CHN2: variants seen among roughly 807,000 people sequenced by gnomAD.
The protein encoded by CHN2 is chimerin 2, also known as beta-chimaerin.
CHN2 carries 35 observed loss-of-function variants against 56.3 expected under a neutral mutation model. The ratio of observed to expected loss-of-function variants is 0.62; its 90% confidence interval spans 0.47 to 0.82. The LOEUF is 0.82. Among genes scored for constraint, CHN2 ranks in the 40% least tolerant of loss-of-function variants. The pLI, the probability that CHN2 is intolerant of heterozygous loss-of-function variation, is 0.00. For missense variants in CHN2, 491 were observed against 580.5 expected (o/e 0.85, Z 1.58); for synonymous variants, 210 against 212.8 (o/e 0.99, Z 0.12).
chr7:29,162,384 A>C (rs563763217), intron 2 of CHN2, among the ~76,000 whole-genome samples: 2 of 152,314 alleles, frequency 1.3e-5, no homozygotes, highest in South Asian at 4.1e-4. Context: ...TATGATGGCC[A>C]GGCGTGGTGG....
upstream of CHN2, among the ~76,000 whole-genome samples, chr7:29,190,961 G>A (rs1584662896): frequency 2.0e-5 from 3 of 151,796 alleles, no homozygotes; most frequent in Admixed American, 1.3e-4. Context: ...CTGAGACAGG[G>A]CCTCACTCTG....
At chr7:29,367,871 A>T in intron 2 of CHN2, 61 bp from the exon 3 acceptor site, 3 of 1,403,628 alleles carry the variant, frequency 2.1e-6, no homozygotes, top group South Asian at 2.7e-5. Flanking sequence ...AGGCACGTTG[A>T]TATGTGTTGC....
At chr7:29,419,469 CAT>C (rs1271327947) in intron 6 of CHN2, among the ~76,000 whole-genome samples, 1 of 151,794 alleles carries the variant, frequency 6.6e-6, no homozygotes, top group Non-Finnish European at 1.5e-5. Context: ...AACAAAAGCA[CAT>C]ATAGACAAAA....
At position 29,509,316 on chromosome 7, in the gene CHN2, A is replaced by G. The variant is rs773469464; in HGVS notation, c.1145A>G (p.Asp382Gly). Residue 382 changes from aspartate (D) to glycine (G), a missense_variant, in exon 12 of 13, where the codon GAT becomes GGT. Physicochemically the swap from Asp to Gly is moderately conservative, Grantham distance 94. Coordinates refer to ENST00000222792, the MANE Select transcript of CHN2 (RefSeq NM_004067.4). ...FIDAAKISNA[D>G]ERLEAVHEVL... ...AACTTCACAGAAATCTCCAATGCAG[A>G]TGAGAGGCTGGAAGCCGTCCATGAA... is the stretch of plus-strand genomic sequence containing the variant. The G allele has an allele frequency of 1.9e-6, 3 of 1,613,796 alleles. No individual in the cohort carries two copies. In the African/African-American group the frequency reaches 4.0e-5, roughly 22 times the overall value.
At chr7:29,345,515 C>T (rs1797366037) in intron 1 of CHN2, among the ~76,000 whole-genome samples, 1 of 152,020 alleles carries the variant, frequency 6.6e-6, no homozygotes, top group Admixed American at 6.5e-5. Flanking sequence ...GACTGCATGA[C>T]ATCCCTAAGA....
At chr7:29,238,922 C>T (rs1406162596) in intron 1 of CHN2, among the ~76,000 whole-genome samples, 3 of 152,064 alleles carry the variant, frequency 2.0e-5, no homozygotes, top group Admixed American at 6.6e-5. Flanking sequence ...AGGAAGTTGG[C>T]GTGTGTGAGG....
At chr7:29,302,500 CTTTTTTTTTT>C (rs70980525) in intron 1 of CHN2, among the ~76,000 whole-genome samples, 1 of 117,818 alleles carries the variant, frequency 8.5e-6, no homozygotes, top group Non-Finnish European at 1.7e-5. Flanking sequence ...AATTTTAATT[CTTTTTTTTTT>C]TTTTTTTTTT....
At chr7:29,420,080 C>A (rs1804182057) in intron 6 of CHN2, among the ~76,000 whole-genome samples, 2 of 149,486 alleles carry the variant, frequency 1.3e-5, no homozygotes, top group Non-Finnish European at 3.0e-5. Flanking sequence ...AAAAAATTAT[C>A]TCACACCTAT....
In CHN2 at chr7:29,146,816, A is replaced by G. The variant is rs1390617730; in HGVS notation, c.163-33A>G. The stretch of plus-strand genomic sequence containing the variant: ...TAAAAGCTGCTATCTTAAAATTTCA[A>G]CCCTGTATTTTGAAATTATTTCTGC... On this transcript the variant is annotated intron_variant, in intron 1 of 6. Coordinates refer to the CHN2 transcript ENST00000439384. 7 of 1,550,320 alleles carry G rather than the reference A, an allele frequency of 4.5e-6. No homozygotes were observed. The Admixed American group carries it at 9.8e-5, about 22-fold the overall frequency.
At chr7:29,213,262 G>T (rs2128782876) in intron 1 of CHN2, 1 of 913,582 alleles carries the variant, frequency 1.1e-6, no homozygotes, top group South Asian at 1.3e-5. Context: ...GGTAGTGGCT[G>T]AATCCTTCCT....
At chr7:29,170,869 A>G (rs771432268) in intron 2 of CHN2, among the ~76,000 whole-genome samples, 3 of 152,208 alleles carry the variant, frequency 2.0e-5, no homozygotes, top group Non-Finnish European at 2.9e-5. Flanking sequence ...GAGCTTGTGC[A>G]GGAAAACTTC....
At chr7:29,458,062 TC>T (rs1463448641) in intron 6 of CHN2, among the ~76,000 whole-genome samples, 1 of 152,236 alleles carries the variant, frequency 6.6e-6, no homozygotes, top group Non-Finnish European at 1.5e-5. Context: ...TAGTCATAAA[TC>T]CTTGTTAACT....
At chr7:29,459,849 C>T (rs1363337085) in intron 6 of CHN2, among the ~76,000 whole-genome samples, 1 of 152,146 alleles carries the variant, frequency 6.6e-6, no homozygotes, top group Admixed American at 6.5e-5. Context: ...TCTATCGTTA[C>T]CATTAGAAAC....
chr7:29,243,145 G>C (rs1309606373), intron 1 of CHN2, among the ~76,000 whole-genome samples: 1 of 151,876 alleles, frequency 6.6e-6, no homozygotes, highest in Non-Finnish European at 1.5e-5. Context: ...TACGGCATGG[G>C]GAGGATTTTA....
In CHN2 at chr7:29,491,626, C is replaced by G. The variant is rs577034835; in HGVS notation, c.655-4326C>G. Among the ~76,000 whole-genome samples, 3 of 152,276 alleles carry G rather than the reference C, an allele frequency of 2.0e-5. No homozygotes were observed. In the South Asian group the frequency reaches 6.2e-4, roughly 32 times the overall value. On this transcript the variant is annotated intron_variant, in intron 7 of 12. Coordinates refer to ENST00000222792, the MANE Select transcript of CHN2 (RefSeq NM_004067.4). ...GTCTCACTATGTTGCCCAGGCTGGT[C>G]TCTACCTGGCCTCAAGTGATCCTCC...
chr7:29,344,760 G>GA (rs1256228184), intron 1 of CHN2, among the ~76,000 whole-genome samples: 3 of 152,090 alleles, frequency 2.0e-5, no homozygotes, highest in African/African-American at 7.2e-5. Context: ...GACTGCTCTT[G>GA]AAGGACCCTG....
At chr7:29,435,148 GA>G (rs1783129217) in intron 6 of CHN2, among the ~76,000 whole-genome samples, 1 of 151,866 alleles carries the variant, frequency 6.6e-6, no homozygotes, top group Non-Finnish European at 1.5e-5. Flanking sequence ...CATAATGAGA[GA>G]ATGAAAAATA....
At chr7:29,280,986 C>T (rs758912581) in intron 1 of CHN2, among the ~76,000 whole-genome samples, 1 of 152,168 alleles carries the variant, frequency 6.6e-6, no homozygotes, top group Non-Finnish European at 1.5e-5. Context: ...ATCTCAGCTA[C>T]TCAGGAGGCT....
intron 1 of CHN2, among the ~76,000 whole-genome samples, chr7:29,195,629 A>AGAGAGAGAGTGTGTGT (rs869037854): frequency 8.8e-4 from 103 of 117,546 alleles, no homozygotes; most frequent in African/African-American, 3.0e-3. Flanking sequence ...AGAGAGAGAG[A>AGAGAGAGAGTGTGTGT]GTGTGTGTGT....
Sources: gnomAD v4.1 joint callset for allele counts (sites outside exome capture counted in the v4.1 genomes callset) on GRCh38, gnomAD v4.1.1 for gene constraint, MANE v1.5 for transcripts, NCBI Gene and HGNC (gene_info 2026-07-23, HGNC 2026-07-21) for gene names.